ZFYVE26: variants seen among roughly 807,000 people sequenced by gnomAD.
ZFYVE26 encodes zinc finger FYVE-type containing 26.
Under a neutral mutation model 276.5 loss-of-function variants are expected in ZFYVE26, and 181 were observed. The ratio of observed to expected loss-of-function variants is 0.65; its 90% confidence interval spans 0.58 to 0.74. The LOEUF (loss-of-function observed/expected upper bound fraction) is 0.74. Ranked by LOEUF, ZFYVE26 falls within the 30% of genes least tolerant of loss-of-function variation. The pLI, the probability that ZFYVE26 is intolerant of heterozygous loss-of-function variation, is 0.00. For synonymous variants in ZFYVE26, 1,129 were observed against 1,203.1 expected (o/e 0.94, Z 1.27); for missense variants, 2,821 against 3,097.9 (o/e 0.91, Z 2.12).
rs1340106074 is a variant in ZFYVE26 at position 67,767,703 on chromosome 14, C to T, written c.5790+1G>A. 3.1e-6 allele frequency: 5 copies of T among 1,614,100 alleles called. No homozygotes were observed. The highest frequency in any genetic ancestry group is 4.2e-6 in the Non-Finnish European group (5 of 1,180,034). On this transcript the variant is annotated splice_donor_variant, in intron 31 of 41. Coordinates refer to ENST00000347230, the MANE Select transcript of ZFYVE26 (RefSeq NM_015346.4). LOFTEE classifies it high-confidence loss of function. ...TGACCATTGCATTTTATTGCTATTA[C>T]CTGCTCATAGTAAAATTCACTCCGC...
chr14:67,754,055 G>A lies in ZFYVE26; in HGVS notation c.7128+16C>T. 1.2e-6 allele frequency: 2 copies of A among 1,614,214 alleles called. No individual in the cohort carries two copies. The highest frequency in any genetic ancestry group is 1.1e-5 in the South Asian group (1 of 91,070). On this transcript the variant is annotated intron_variant, in intron 38 of 41. Coordinates refer to ENST00000347230, the MANE Select transcript of ZFYVE26 (RefSeq NM_015346.4). ...GATGACAATAGTCTGCCAGAGGTCTGAAACGCTGCATGTACCTTGCAGGCA... is the reference window on the plus strand; with the variant it reads ...GATGACAATAGTCTGCCAGAGGTCTAAAACGCTGCATGTACCTTGCAGGCA...
In ZFYVE26 at chr14:67,762,556, C is replaced by T. The variant is rs933102635; in HGVS notation, c.6159+116G>A. 247 of 1,571,178 alleles carry T rather than the reference C, an allele frequency of 1.6e-4. 1 individual carries two copies. The African/African-American group carries it at 2.9e-3, about 19-fold the overall frequency. On this transcript the variant is annotated intron_variant, in intron 33 of 41. Transcript: ENST00000347230. The stretch of plus-strand genomic sequence containing the variant: ...TCTGCTGGCAAACTAGTCATGTCCC[C>T]GATTCTACCCCATGGGCAGGACAAC...
intron 34 of ZFYVE26, 75 bp downstream of exon 34, chr14:67,762,126 ACT>A: frequency 2.6e-6 from 4 of 1,542,862 alleles, no homozygotes; most frequent in Non-Finnish European, 3.6e-6. Flanking sequence ...CTGAATTTCC[ACT>A]GATTCTTTTC....
Position 67,769,201 on chromosome 14 carries a change from A to G in ZFYVE26, c.5621+393T>C, listed in dbSNP as rs568420226. 3.9e-5 allele frequency among the ~76,000 whole-genome samples: 6 copies of G among 152,344 alleles called. No individual in the cohort carries two copies. In the East Asian group the frequency reaches 1.2e-3, roughly 29 times the overall value. On this transcript the variant is annotated intron_variant, in intron 29 of 41. Transcript: ENST00000347230. ...AATGACTACCTAGATCAGAGTTGAT[A>G]TAAGCGATGCCCAACCATTCAGCAG... is the stretch of plus-strand genomic sequence containing the variant.
At position 67,802,300 on chromosome 14, in the gene ZFYVE26, A is replaced by G. The variant is rs1310930129; in HGVS notation, c.1436-18T>C. ...AACTGCATCTGAATTACAAAGAGAAACAGGCTGAACTTGAGAGTTAATTAA... is the reference window on the plus strand; with the variant it reads ...AACTGCATCTGAATTACAAAGAGAAGCAGGCTGAACTTGAGAGTTAATTAA... On this transcript the variant is annotated intron_variant, in intron 9 of 41. Transcript: ENST00000347230. 9.3e-6 allele frequency: 15 copies of G among 1,613,326 alleles called. No individual in the cohort carries two copies. The highest frequency in any genetic ancestry group is 1.3e-5 in the Non-Finnish European group (15 of 1,179,360).
chr14:67,751,376 C>A (rs2038638473), intron 40 of ZFYVE26: 2 of 519,400 alleles, frequency 3.9e-6, no homozygotes, highest in Non-Finnish European at 3.5e-6. Flanking sequence ...TGGTCCCCTG[C>A]TCCTGGGAGG....
At position 67,794,170 on chromosome 14, in the gene ZFYVE26, C is replaced by A. The variant is rs1555398778; in HGVS notation, c.2401+1G>T. On this transcript the variant is annotated splice_donor_variant, in intron 13 of 41. Coordinates refer to ENST00000347230, the MANE Select transcript of ZFYVE26 (RefSeq NM_015346.4). LOFTEE classifies it high-confidence loss of function. ...TTGGCAACTGGTGGAAATCTGCATA[C>A]CTGACGTACTTGTGCTCAGCTCACT... is the stretch of plus-strand genomic sequence containing the variant. 1 of 1,614,174 alleles carries A rather than the reference C, an allele frequency of 6.2e-7. No homozygotes were observed. Among genetic ancestry groups the A allele is most frequent in the East Asian group, 2.2e-5 (1 of 44,890 alleles).
At position 67,809,207 on chromosome 14, in the gene ZFYVE26, A is replaced by G; in HGVS notation, c.356T>C (p.Ile119Thr). ...ACCAGGGCTCTCTCTCACCTCGAGG[A>G]TGTTCTCTGGAATGTCACCTTGGAG... is the stretch of plus-strand genomic sequence containing the variant. ...EDLQGDIPENILEELYETLTQ... is the reference protein window; with the variant it reads ...EDLQGDIPENTLEELYETLTQ... The change falls in exon 4 of 42, where the codon ATC (isoleucine) becomes ACC (threonine). Residue 119 changes from isoleucine (I) to threonine (T), a missense_variant. Physicochemically the swap from Ile to Thr is moderately conservative, Grantham distance 89 (BLOSUM62 -1). Transcript: ENST00000347230. 2 of 1,613,926 alleles carry G rather than the reference A, an allele frequency of 1.2e-6. No individual in the cohort carries two copies. Among genetic ancestry groups the G allele is most frequent in the Non-Finnish European group, 1.7e-6 (2 of 1,179,910 alleles).
chr14:67,753,904 A>G, intron 38 of ZFYVE26, 138 bp from the exon 39 acceptor site: 11 of 1,482,448 alleles, frequency 7.4e-6, no homozygotes, highest in Non-Finnish European at 9.4e-6. Flanking sequence ...CACTAGGGAT[A>G]TAAGAATGAT....
Position 67,789,352 on chromosome 14 carries a change from C to CT in ZFYVE26, c.3001dup (p.Ser1001LysfsTer2). 1 of 1,614,224 alleles carries CT rather than the reference C, an allele frequency of 6.2e-7. No homozygotes were observed. The highest frequency in any genetic ancestry group is 8.5e-7 in the Non-Finnish European group (1 of 1,180,050). On this transcript the variant is annotated frameshift_variant, in exon 16 of 42. Transcript: ENST00000347230. LOFTEE classifies it high-confidence loss of function. The stretch of plus-strand genomic sequence containing the variant: ...ACACTCACCCCGCCTTTCAAGGCTA[C>CT]TATTCAAACGCCGTTCGGCTGTCTC...
chr14:67,735,605 T>G (rs2038343308), intron 13 of ZFYVE26, among the ~76,000 whole-genome samples: 1 of 152,170 alleles, frequency 6.6e-6, no homozygotes, highest in Non-Finnish European at 1.5e-5. Flanking sequence ...CCCCTCAACA[T>G]ACAGGAAACA....
rs370427209 is a variant in ZFYVE26 at position 67,780,802 on chromosome 14, G to C, written c.4570-457C>G. Among the ~76,000 whole-genome samples, 38 of 152,312 alleles carry C rather than the reference G, an allele frequency of 2.5e-4. No individual in the cohort carries two copies. In the South Asian group the frequency reaches 7.9e-3, roughly 32 times the overall value. ...TTCACTACCCCTGGTAGGGTTTCTG[G>C]ACTCTGTCTGCTCCAAGGATATGTT... On this transcript the variant is annotated intron_variant, in intron 22 of 41. Coordinates refer to ENST00000347230, the MANE Select transcript of ZFYVE26 (RefSeq NM_015346.4).
intron 33 of ZFYVE26, 46 bp downstream of exon 33, chr14:67,762,626 T>A: frequency 6.2e-7 from 1 of 1,609,940 alleles, no homozygotes; most frequent in Non-Finnish European, 8.5e-7. Context: ...AAAAGCAACT[T>A]GCTACAGTGG....
chr14:67,780,475 G>T, intron 22 of ZFYVE26, 130 bp from the exon 23 acceptor site: 2 of 810,380 alleles, frequency 2.5e-6, no homozygotes, highest in Non-Finnish European at 4.1e-6. Flanking sequence ...GAACTTGCCA[G>T]AAAAGAGAGC....
chr14:67,801,339 G>A (rs2040074963), intron 10 of ZFYVE26, among the ~76,000 whole-genome samples: 1 of 152,030 alleles, frequency 6.6e-6, no homozygotes, highest in East Asian at 1.9e-4. Flanking sequence ...CCTCATCCCT[G>A]ATAAGGACTC....
rs528933318 is a variant in ZFYVE26 at position 67,729,555 on chromosome 14, T to C, written n.2944A>G. ...TAAGGAAACTTACAGTACAAACTTA[T>C]GTGTTGGGAAGAGTTGCTTTTCTGG... On this transcript the variant is annotated non_coding_transcript_exon_variant, in exon 14 of 15. Coordinates refer to the ZFYVE26 transcript ENST00000394455. The C allele has an allele frequency of 1.3e-4, 88 of 691,044 alleles. No homozygotes were observed. The East Asian group carries it at 2.3e-3, about 18-fold the overall frequency. 42.8% of individuals were successfully genotyped at this position (691,044 alleles called of 1,614,324 possible).
downstream of ZFYVE26, among the ~76,000 whole-genome samples, chr14:67,745,939 A>C (rs959295955): frequency 5.5e-4 from 18 of 32,700 alleles, no homozygotes; most frequent in African/African-American, 1.4e-3. Context: ...CAAAAAAAAA[A>C]AAAAAAAAAA....
intron 25 of ZFYVE26, among the ~76,000 whole-genome samples, chr14:67,776,810 T>C (rs753403860): frequency 2.6e-5 from 4 of 152,218 alleles, no homozygotes; most frequent in Non-Finnish European, 5.9e-5. Flanking sequence ...AAGGAACATG[T>C]TATGTAGTTC....
rs1055373300 is a variant in ZFYVE26, at chr14:67,809,185, A to C, written c.363+15T>G. The C allele has an allele frequency of 5.0e-6, 8 of 1,610,474 alleles. No individual in the cohort carries two copies. Among genetic ancestry groups the C allele is most frequent in the Non-Finnish European group, 6.8e-6 (8 of 1,176,858 alleles). On this transcript the variant is annotated intron_variant, in intron 4 of 41. Transcript: ENST00000347230. ...CTGTCAACCCTGGGCAGATGGTACC[A>C]GGGCTCTCTCTCACCTCGAGGATGT...
Sources: gnomAD v4.1 joint callset for allele counts (sites outside exome capture counted in the v4.1 genomes callset) on GRCh38, gnomAD v4.1.1 for gene constraint, MANE v1.5 for transcripts, NCBI Gene and HGNC (gene_info 2026-07-23, HGNC 2026-07-21) for gene names.